The following DCC variants were observed in gnomAD, a reference collection of about 807,000 sequenced individuals.
DCC encodes the protein netrin receptor DCC.
In DCC, 58 loss-of-function variants were observed where a neutral mutation model predicts 172.5. The ratio of observed to expected loss-of-function variants is 0.34; its 90% CI spans 0.27 to 0.42. The LOEUF (loss-of-function observed/expected upper bound fraction) is 0.42. Among genes scored for constraint, DCC ranks in the 10% least tolerant of loss-of-function variants. The pLI is 1.00. For missense variants in DCC, 1,740 were observed against 1,791.0 expected (o/e 0.97, Z 0.51); for synonymous variants, 709 against 644.5 (o/e 1.10, Z -1.52).
intron 26 of DCC, among the ~76,000 whole-genome samples, chr18:53,495,301 G>C (rs550371741): frequency 6.8e-6 from 1 of 147,194 alleles, no homozygotes; most frequent in African/African-American, 2.5e-5. Flanking sequence ...CTGAGGCAGA[G>C]AATTGCTTGA....
At chr18:52,788,174 A>T (rs2037693128) in intron 2 of DCC, among the ~76,000 whole-genome samples, 1 of 152,184 alleles carries the variant, frequency 6.6e-6, no homozygotes, top group Non-Finnish European at 1.5e-5. Context: ...TATTATATCA[A>T]ATTTAAGATA....
intron 1 of DCC, among the ~76,000 whole-genome samples, chr18:52,488,688 C>T (rs927855853): frequency 5.3e-5 from 8 of 152,228 alleles, no homozygotes; most frequent in African/African-American, 1.2e-4. Flanking sequence ...GACACCAAGA[C>T]TTGATTATTT....
intron 27 of DCC, among the ~76,000 whole-genome samples, chr18:53,522,218 C>T (rs1219849230): frequency 6.6e-6 from 1 of 151,726 alleles, no homozygotes; most frequent in East Asian, 1.9e-4. Flanking sequence ...TAGTGGCTGC[C>T]TTCCTATTTG....
chr18:52,985,245 T>C (rs2041274129), intron 5 of DCC, among the ~76,000 whole-genome samples: 1 of 152,142 alleles, frequency 6.6e-6, no homozygotes. Context: ...TCTTTCATTT[T>C]TGATATTCAT....
intron 26 of DCC, among the ~76,000 whole-genome samples, chr18:53,495,890 C>T (rs1213203596): frequency 1.3e-5 from 2 of 152,010 alleles, no homozygotes; most frequent in Non-Finnish European, 2.9e-5. Flanking sequence ...CCTTTCTTCC[C>T]AAGCTGGCTC....
intron 2 of DCC, among the ~76,000 whole-genome samples, chr18:52,760,783 A>C (rs906061953): frequency 3.3e-5 from 5 of 152,222 alleles, no homozygotes. Flanking sequence ...TCTACAAAGT[A>C]AAGAGACATC....
chr18:52,449,904 C>A (rs1389261000), intron 1 of DCC, among the ~76,000 whole-genome samples: 3 of 152,284 alleles, frequency 2.0e-5, no homozygotes, highest in African/African-American at 4.8e-5. Flanking sequence ...GAGGCCTCCC[C>A]AGCAATGCAT....
chr18:53,419,939 T>C (rs1910538832), intron 21 of DCC, among the ~76,000 whole-genome samples: 1 of 152,072 alleles, frequency 6.6e-6, no homozygotes, highest in Admixed American at 6.6e-5. Context: ...CTGCAACCTC[T>C]GCCTCCCAGG....
chr18:53,384,000 A>G (rs1049804565), intron 15 of DCC, among the ~76,000 whole-genome samples: 1 of 152,100 alleles, frequency 6.6e-6, no homozygotes, highest in South Asian at 2.1e-4. Context: ...ATTGTACCAT[A>G]TCTATAATAT....
At chr18:53,000,489 A>G (rs893570738) in intron 5 of DCC, among the ~76,000 whole-genome samples, 2 of 150,766 alleles carry the variant, frequency 1.3e-5, no homozygotes, top group Non-Finnish European at 3.0e-5. Context: ...AAAGTTCTAT[A>G]GGTTTTTTCG....
chr18:52,676,991 T>C (rs2035656442), intron 1 of DCC, among the ~76,000 whole-genome samples: 1 of 152,196 alleles, frequency 6.6e-6, no homozygotes. Context: ...CCCAAACTAC[T>C]TCCTGTAGAA....
chr18:53,166,714 T>G (rs975573767), intron 8 of DCC, among the ~76,000 whole-genome samples: 1 of 152,166 alleles, frequency 6.6e-6, no homozygotes, highest in African/African-American at 2.4e-5. Context: ...TTTTAACAAT[T>G]CAATAAAAAA....
rs796876229 is a variant in DCC at position 52,376,507 on chromosome 18, GTA to G, written c.91+35633_91+35634del. On this transcript the variant is annotated intron_variant, in intron 1 of 28. Transcript: ENST00000442544. Reference sequence around the variant, plus strand: ...TATGTGTGTGTGTGTGTGTGTGTGTGTATATGTGTGTACATGCACATGCACAA... The same window carrying G: ...TATGTGTGTGTGTGTGTGTGTGTGTGTATGTGTGTACATGCACATGCACAA... 6.9e-4 allele frequency among the ~76,000 whole-genome samples: 105 copies of G among 151,554 alleles called. 1 individual carries two copies. The highest frequency in any genetic ancestry group is 3.4e-3 in the Middle Eastern group (1 of 290).
At chr18:52,803,855 C>G (rs1486383023) in intron 2 of DCC, among the ~76,000 whole-genome samples, 1 of 152,104 alleles carries the variant, frequency 6.6e-6, no homozygotes, top group East Asian at 1.9e-4. Context: ...TAAGTAAATG[C>G]CAGCATTTTA....
intron 12 of DCC, among the ~76,000 whole-genome samples, chr18:53,229,952 A>G (rs73957113): frequency 0.021 from 3,126 of 152,242 alleles, 118 homozygotes; most frequent in African/African-American, 0.072. Context: ...AAAAATAACA[A>G]TAGACTAGAT....
intron 1 of DCC, among the ~76,000 whole-genome samples, chr18:52,401,989 A>T (rs970426394): frequency 4.1e-4 from 63 of 151,956 alleles, no homozygotes; most frequent in African/African-American, 1.4e-3. Flanking sequence ...ATATTATAGG[A>T]TGTAAAATTT....
At chr18:52,436,407 A>G (rs1431291627) in intron 1 of DCC, among the ~76,000 whole-genome samples, 3 of 152,194 alleles carry the variant, frequency 2.0e-5, no homozygotes, top group Admixed American at 2.0e-4. Context: ...GCAGTTCTAC[A>G]TGACGCTCTC....
At chr18:52,785,247 T>C (rs1030412784) in intron 2 of DCC, among the ~76,000 whole-genome samples, 4 of 152,076 alleles carry the variant, frequency 2.6e-5, no homozygotes, top group Admixed American at 2.6e-4. Flanking sequence ...CTGCTATCTT[T>C]AACATGTGTA....
At chr18:53,213,242 AT>A (rs1276354026) in intron 11 of DCC, among the ~76,000 whole-genome samples, 1 of 152,208 alleles carries the variant, frequency 6.6e-6, no homozygotes, top group Non-Finnish European at 1.5e-5. Context: ...AGTAATTGAT[AT>A]TATGTTTGGA....
Sources: allele counts gnomAD v4.1 joint callset (sites outside exome capture counted in the v4.1 genomes callset), GRCh38; gene constraint gnomAD v4.1.1; transcripts MANE v1.5; gene names NCBI Gene and HGNC (gene_info 2026-07-23, HGNC 2026-07-21).